Variants in HMGCLL1 observed in about 807,000 individuals in gnomAD.
The protein encoded by HMGCLL1 is 3-hydroxy-3-methylglutaryl-CoA lyase like 1, also known as 3-hydroxymethyl-3-methylglutaryl-CoA lyase, cytoplasmic.
Under a neutral mutation model 39.1 loss-of-function variants are expected in HMGCLL1, and 36 were observed. That is an observed-to-expected ratio of 0.92 (90% CI 0.71 to 1.22). HMGCLL1 has a LOEUF of 1.22. Ranked by LOEUF, HMGCLL1 falls within the 50% of genes most tolerant of loss-of-function variation. HMGCLL1 has a pLI of 0.00. For missense variants in HMGCLL1, 451 were observed against 416.5 expected (o/e 1.08, Z -0.72); for synonymous variants, 149 against 144.0 (o/e 1.03, Z -0.25).
Position 55,579,010 on chromosome 6 carries a change from G to A in HMGCLL1, c.46C>T (p.Gln16Ter). 6.2e-7 allele frequency: 1 copy of A among 1,613,672 alleles called. No individual in the cohort carries two copies. Among genetic ancestry groups the A allele is most frequent in the Non-Finnish European group, 8.5e-7 (1 of 1,179,840 alleles). ...SAVKHCLSYQ[Q>*]LLREHLWIGD... ...ATCCAGAGATGCTCCCGGAGAAGCT[G>A]CTGGTAGCTGAGGCAGTGCTTCACC... Residue 16 changes from glutamine to a stop codon, truncating the protein, a stop_gained, in exon 1 of 9, where the codon CAG (glutamine) becomes TAG (stop). Transcript: ENST00000274901. LOFTEE classifies it high-confidence loss of function.
chr6:55,483,807 T>C (rs1765865107), intron 7 of HMGCLL1, among the ~76,000 whole-genome samples: 1 of 152,188 alleles, frequency 6.6e-6, no homozygotes, highest in African/African-American at 2.4e-5. Flanking sequence ...GTTACAAAAA[T>C]TACTTCATGG....
At chr6:55,530,222 G>A (rs535701698) in intron 3 of HMGCLL1, among the ~76,000 whole-genome samples, 12 of 152,218 alleles carry the variant, frequency 7.9e-5, no homozygotes, top group African/African-American at 2.9e-4. Flanking sequence ...AGCAGTATAA[G>A]AAGGTCTGAA....
chr6:55,640,041 G>T, the HMGCLL1 span, among the ~76,000 whole-genome samples: 2 of 151,970 alleles, frequency 1.3e-5, no homozygotes, highest in Admixed American at 6.6e-5. Flanking sequence ...CCATGCCATT[G>T]CACCCCAACC....
chr6:55,634,315 T>C, the HMGCLL1 span, among the ~76,000 whole-genome samples: 3 of 152,004 alleles, frequency 2.0e-5, no homozygotes, highest in African/African-American at 7.2e-5. Context: ...AGCCACAACA[T>C]CCAGCAAGAG....
chr6:55,606,645 A>T, the HMGCLL1 span, among the ~76,000 whole-genome samples: 1 of 152,210 alleles, frequency 6.6e-6, no homozygotes, highest in South Asian at 2.1e-4. Flanking sequence ...CACCACAAAC[A>T]TAATTCATGC....
chr6:55,561,161 A>T (rs544607584), intron 1 of HMGCLL1, among the ~76,000 whole-genome samples: 4 of 152,328 alleles, frequency 2.6e-5, no homozygotes, highest in East Asian at 1.9e-4. Flanking sequence ...ATAAACAAAT[A>T]GTATGTAATG....
At chr6:55,559,722 A>G (rs1012863248) in intron 1 of HMGCLL1, among the ~76,000 whole-genome samples, 2 of 152,156 alleles carry the variant, frequency 1.3e-5, no homozygotes, top group Admixed American at 6.5e-5. Context: ...ATGTGCAGAG[A>G]TTGAATCTTA....
chr6:55,600,153 T>C, the HMGCLL1 span, among the ~76,000 whole-genome samples: 1 of 152,096 alleles, frequency 6.6e-6, no homozygotes, highest in African/African-American at 2.4e-5. Context: ...TTTTTAAATC[T>C]CTAAAATCAT....
chr6:55,542,209 TA>T lies in HMGCLL1; in HGVS notation c.109-70del. On this transcript the variant is annotated intron_variant, in intron 1 of 8. Coordinates refer to ENST00000274901, the MANE Select transcript of HMGCLL1 (RefSeq NM_001042406.2). The stretch of plus-strand genomic sequence containing the variant: ...TGTTACATTTGCTTATTTGAAAAGT[TA>T]AACAACTGCACTTTGTTATACTCTT... 6.3e-6 allele frequency: 6 copies of T among 956,270 alleles called. No individual in the cohort carries two copies. The South Asian group carries it at 8.7e-5, about 14-fold the overall frequency. The allele number at this position is 956,270 out of a possible 1,614,324, so 59.2% of individuals were successfully genotyped here.
At chr6:55,464,782 T>C (rs549879609) in intron 7 of HMGCLL1, among the ~76,000 whole-genome samples, 1 of 152,296 alleles carries the variant, frequency 6.6e-6, no homozygotes, top group South Asian at 2.1e-4. Flanking sequence ...TACCTTGGTT[T>C]CAGGATAGAA....
At chr6:55,474,357 A>G (rs1244613057) in intron 7 of HMGCLL1, among the ~76,000 whole-genome samples, 2 of 151,520 alleles carry the variant, frequency 1.3e-5, no homozygotes, top group African/African-American at 4.8e-5. Context: ...TGAAGTGTCT[A>G]CTGACATATT....
the HMGCLL1 span, among the ~76,000 whole-genome samples, chr6:55,622,012 T>C: frequency 6.6e-6 from 1 of 152,148 alleles, no homozygotes. Flanking sequence ...ATTTTATTCC[T>C]AGGTATTTAA....
chr6:55,546,231 T>G (rs905052152), intron 1 of HMGCLL1, among the ~76,000 whole-genome samples: 5 of 152,144 alleles, frequency 3.3e-5, no homozygotes, highest in African/African-American at 1.2e-4. Context: ...TTTATTGATT[T>G]TATTGATCAT....
At chr6:55,611,720 A>G in the HMGCLL1 span, among the ~76,000 whole-genome samples, 1 of 152,178 alleles carries the variant, frequency 6.6e-6, no homozygotes, top group African/African-American at 2.4e-5. Flanking sequence ...GCTTATCTCA[A>G]TAGATGCAAA....
chr6:55,478,659 T>A (rs771639614), intron 7 of HMGCLL1, among the ~76,000 whole-genome samples: 11 of 151,254 alleles, frequency 7.3e-5, no homozygotes, highest in Non-Finnish European at 1.6e-4. Context: ...TACCTAAAAA[T>A]TTTTCATATA....
intron 7 of HMGCLL1, among the ~76,000 whole-genome samples, chr6:55,456,766 C>T (rs764479569): frequency 4.6e-5 from 7 of 152,190 alleles, no homozygotes; most frequent in Non-Finnish European, 1.0e-4. Flanking sequence ...GGATGCTGGG[C>T]TCCAGTAACA....
At position 55,511,541 on chromosome 6, in the gene HMGCLL1, C is replaced by T. The variant is rs976714071; in HGVS notation, c.542+2507G>A. ...GTGTGCTTTTATAAAATGTGTACTG[C>T]TATGGCCTTTAAAGCTGACAACTGA... On this transcript the variant is annotated intron_variant, in intron 5 of 8. Transcript: ENST00000274901. Among the ~76,000 whole-genome samples the T allele has an allele frequency of 1.7e-4, 26 of 152,150 alleles. No individual in the cohort carries two copies. In the South Asian group the frequency reaches 5.4e-3, roughly 32 times the overall value.
intron 1 of HMGCLL1, among the ~76,000 whole-genome samples, chr6:55,545,674 G>A (rs994027205): frequency 1.3e-5 from 2 of 152,076 alleles, no homozygotes; most frequent in African/African-American, 4.8e-5. Flanking sequence ...AATATCTGGG[G>A]AGAAATATGT....
At chr6:55,593,000 AG>A in the HMGCLL1 span, among the ~76,000 whole-genome samples, 2 of 152,098 alleles carry the variant, frequency 1.3e-5, no homozygotes, top group African/African-American at 4.8e-5. Flanking sequence ...ATCATATATA[AG>A]GTTAAATTTT....
Sources: allele counts gnomAD v4.1 joint callset (sites outside exome capture counted in the v4.1 genomes callset), GRCh38; gene constraint gnomAD v4.1.1; transcripts MANE v1.5; gene names NCBI Gene and HGNC (gene_info 2026-07-23, HGNC 2026-07-21).